RHOQ: variants seen among roughly 807,000 people sequenced by gnomAD.
RHOQ encodes the protein rho-related GTP-binding protein RhoQ.
In RHOQ, 7 loss-of-function variants were observed where a neutral mutation model predicts 25.8. That is an observed-to-expected ratio of 0.27 (90% confidence interval 0.15 to 0.51). RHOQ has a LOEUF of 0.51. Among genes scored for constraint, RHOQ ranks in the 20% least tolerant of loss-of-function variants. The pLI, the probability that RHOQ is intolerant of heterozygous loss-of-function variation, is 0.97. For missense variants in RHOQ, 165 were observed against 260.6 expected, an observed-to-expected ratio of 0.63 and a Z score of 2.53; for synonymous variants, 97 against 98.6, an observed-to-expected ratio of 0.98 and a Z score of 0.10.
intron 4 of RHOQ, among the ~76,000 whole-genome samples, chr2:46,578,906 GTGTA>G (rs1669240044): frequency 6.6e-6 from 1 of 151,856 alleles, no homozygotes. Context: ...GTGTGTGTGT[GTGTA>G]TATGTATATA....
rs751636853 is a variant in RHOQ at position 46,552,870 on chromosome 2, C to T, written c.201+9058C>T. Among the ~76,000 whole-genome samples the T allele has an allele frequency of 2.0e-5, 3 of 152,214 alleles. No homozygotes were observed. Among genetic ancestry groups the T allele is most frequent in the Non-Finnish European group, 2.9e-5 (2 of 68,036 alleles). On this transcript the variant is annotated intron_variant, in intron 2 of 4. Transcript: ENST00000238738. The surrounding 1 kb of genome is among the most constrained non-coding windows in gnomAD (Gnocchi z 5.0). ...TTATTGGGGGCACAGAGGAGGAAGG[C>T]TTATCCTTCCAAGGAGGTGAAATGC...
At position 46,566,694 on chromosome 2, in the gene RHOQ, C is replaced by T. The variant is rs1056399633; in HGVS notation, c.202-9393C>T. Among the ~76,000 whole-genome samples, 3 of 152,152 alleles carry T rather than the reference C, an allele frequency of 2.0e-5. No individual in the cohort carries two copies. Among genetic ancestry groups the T allele is most frequent in the Non-Finnish European group, 4.4e-5 (3 of 68,030 alleles). ...CCTGCAGAGGGGTCCAAGCTGACTC[C>T]CTCTCCAGCCCCACCTGTCACCTGG... On this transcript the variant is annotated intron_variant, in intron 2 of 4. Transcript: ENST00000238738. The surrounding 1 kb of genome is among the most constrained non-coding windows in gnomAD (Gnocchi z 4.2).
chr2:46,578,522 A>C (rs1451375565), intron 4 of RHOQ, among the ~76,000 whole-genome samples: 3 of 136,574 alleles, frequency 2.2e-5, no homozygotes, highest in African/African-American at 8.2e-5. Flanking sequence ...GTTTGAGCCC[A>C]GGAATTCGAG....
Position 46,555,975 on chromosome 2 carries a change from CCTTT to C in RHOQ, c.201+12164_201+12167del, listed in dbSNP as rs1043413218. On this transcript the variant is annotated intron_variant, in intron 2 of 4. Transcript: ENST00000238738. The surrounding 1 kb of genome is among the most constrained non-coding windows in gnomAD (Gnocchi z 4.3). ...TTGATATGTAAGTTTCCTCCTCTTT[CCTTT>C]GTTTTATTTTTTGAGGCATAATTCA... 1.3e-5 allele frequency among the ~76,000 whole-genome samples: 2 copies of C among 152,132 alleles called. No homozygotes were observed. The highest frequency in any genetic ancestry group is 2.4e-5 in the African/African-American group (1 of 41,430).
intron 2 of RHOQ, among the ~76,000 whole-genome samples, chr2:46,561,118 G>A (rs779997415): frequency 1.9e-4 from 29 of 150,378 alleles, no homozygotes; most frequent in Admixed American, 1.2e-3. Flanking sequence ...GTGTGCGCAC[G>A]TTTATATGTC....
chr2:46,584,061 G>T lies in RHOQ; in HGVS notation c.*2978G>T, dbSNP rs1379461157. On this transcript the variant is annotated 3_prime_UTR_variant, in exon 5 of 5. Coordinates refer to ENST00000238738, the MANE Select transcript of RHOQ (RefSeq NM_012249.4). ...AGCTTGGATTAATGGGTTTTGTTAT[G>T]AATTATCTTAGTGACTTTAGACACT... Among the ~76,000 whole-genome samples, 2 of 152,194 alleles carry T rather than the reference G, an allele frequency of 1.3e-5. No homozygotes were observed. The highest frequency in any genetic ancestry group is 2.1e-4 in the South Asian group (1 of 4,828).
At chr2:46,543,950 C>A (rs536750361) in intron 2 of RHOQ, 138 bp downstream of exon 2, 1 of 670,108 alleles carries the variant, frequency 1.5e-6, no homozygotes, top group East Asian at 2.8e-5. Context: ...GTCTTTATTT[C>A]TTGTAACAAG....
chr2:46,579,061 A>G (rs1442618224), intron 4 of RHOQ, among the ~76,000 whole-genome samples: 1 of 152,228 alleles, frequency 6.6e-6, no homozygotes, highest in Non-Finnish European at 1.5e-5. Context: ...AATTCCCTGC[A>G]TCTATTAAAA....
intron 2 of RHOQ, among the ~76,000 whole-genome samples, chr2:46,546,628 G>A (rs1457581115): frequency 4.0e-5 from 6 of 149,320 alleles, no homozygotes; most frequent in African/African-American, 1.5e-4. Flanking sequence ...CTAGTCATGT[G>A]ATTCTAGCTA....
chr2:46,582,380 C>G lies in RHOQ; in HGVS notation c.*1297C>G, dbSNP rs1186610898. 6.6e-6 allele frequency: 1 copy of G among 151,950 alleles called. No individual in the cohort carries two copies. Among genetic ancestry groups the G allele is most frequent in the Non-Finnish European group, 1.5e-5 (1 of 68,004 alleles). The allele number at this position is 151,950 out of a possible 1,614,324, so 9.4% of individuals were successfully genotyped here. A position where few individuals can be genotyped will look rare whatever the true frequency, so the allele number is the denominator to read the frequency against. ...ATTTCTAATCTTTCTCTGGGGGGAA[C>G]AGGCCACAGAACTGTGTTAGAGGTG... On this transcript the variant is annotated 3_prime_UTR_variant, in exon 5 of 5. Coordinates refer to ENST00000238738, the MANE Select transcript of RHOQ (RefSeq NM_012249.4).
chr2:46,565,981 C>T (rs1386844069), intron 2 of RHOQ, among the ~76,000 whole-genome samples: 6 of 152,152 alleles, frequency 3.9e-5, no homozygotes, highest in Admixed American at 3.9e-4. Context: ...GAAGTGATTT[C>T]CAGACTCAAG....
At chr2:46,575,268 A>T (rs1669073182) in intron 2 of RHOQ, among the ~76,000 whole-genome samples, 1 of 152,214 alleles carries the variant, frequency 6.6e-6, no homozygotes, top group South Asian at 2.1e-4. Flanking sequence ...GAATATGTGC[A>T]GTTACTGGTA....
At position 46,581,983 on chromosome 2, in the gene RHOQ, T is replaced by C. The variant is rs537406909; in HGVS notation, c.*900T>C. The C allele has an allele frequency of 2.4e-4, 39 of 162,584 alleles. No homozygotes were observed. Among genetic ancestry groups the C allele is most frequent in the Admixed American group, 5.5e-4 (9 of 16,302 alleles). 10.1% of individuals were successfully genotyped at this position (162,584 alleles called of 1,614,324 possible). On this transcript the variant is annotated 3_prime_UTR_variant, in exon 5 of 5. Coordinates refer to ENST00000238738, the MANE Select transcript of RHOQ (RefSeq NM_012249.4). ...CATCAAATGAAATGAGAAGTGTGTA[T>C]GCTGACCAAACCACAAGAAACTTTC...
At chr2:46,574,221 A>C (rs538972441) in intron 2 of RHOQ, among the ~76,000 whole-genome samples, 17 of 152,292 alleles carry the variant, frequency 1.1e-4, no homozygotes, top group Admixed American at 1.0e-3. Context: ...TGGAAATCTA[A>C]ATATGGATGA....
In RHOQ at chr2:46,552,270, G is replaced by A. The variant is rs550951134; in HGVS notation, c.201+8458G>A. ...AACCACCATGCTTCCTCAAAAAGGA[G>A]CAGGCCCGAGGTGGCGCTGATGGCC... On this transcript the variant is annotated intron_variant, in intron 2 of 4. Transcript: ENST00000238738. The surrounding 1 kb of genome is among the most constrained non-coding windows in gnomAD (Gnocchi z 5.0). 6.6e-6 allele frequency among the ~76,000 whole-genome samples: 1 copy of A among 152,324 alleles called. No homozygotes were observed. Among genetic ancestry groups the A allele is most frequent in the South Asian group, 2.1e-4 (1 of 4,828 alleles).
chr2:46,543,195 C>T lies in RHOQ; in HGVS notation c.142+7C>T. The T allele has an allele frequency of 1.2e-6, 2 of 1,611,688 alleles. No individual in the cohort carries two copies. Among genetic ancestry groups the T allele is most frequent in the Non-Finnish European group, 1.7e-6 (2 of 1,179,176 alleles). Reference sequence around the variant, plus strand: ...GTCTTCGACCACTACGCAGGTAAGCCTCGGAACTGCTGACTAAGGGGCCGC... The same window carrying T: ...GTCTTCGACCACTACGCAGGTAAGCTTCGGAACTGCTGACTAAGGGGCCGC... On this transcript the variant is annotated splice_region_variant and intron_variant, in intron 1 of 4. Coordinates refer to ENST00000238738, the MANE Select transcript of RHOQ (RefSeq NM_012249.4).
chr2:46,543,227 G>A (rs1329947580), intron 1 of RHOQ, 39 bp downstream of exon 1: 34 of 1,608,642 alleles, frequency 2.1e-5, no homozygotes, highest in Non-Finnish European at 2.8e-5. Context: ...CCGCTCCCCG[G>A]GCCGGGAACT....
At position 46,581,061 on chromosome 2, in the gene RHOQ, T is replaced by C; in HGVS notation, c.596T>C (p.Ile199Thr). 2 of 1,554,274 alleles carry C rather than the reference T, an allele frequency of 1.3e-6. No individual in the cohort carries two copies. Among genetic ancestry groups the C allele is most frequent in the Non-Finnish European group, 1.7e-6 (2 of 1,157,954 alleles). The change falls in exon 5 of 5, where the codon ATA becomes ACA. Residue 199 changes from isoleucine to threonine, a missense_variant. Coordinates refer to ENST00000238738, the MANE Select transcript of RHOQ (RefSeq NM_012249.4). ...AAAAAAAGAATAGGATCAAGATGTA[T>C]AAACTGTTGTTTAATTACGTGAGAA... ...TVKKRIGSRC[I>T]NCCLIT
Position 46,582,405 on chromosome 2 carries a change from G to A in RHOQ, c.*1322G>A, listed in dbSNP as rs1352742512. 1.3e-5 allele frequency: 2 copies of A among 152,182 alleles called. No homozygotes were observed. The highest frequency in any genetic ancestry group is 2.9e-5 in the Non-Finnish European group (2 of 68,032). The allele number at this position is 152,182 out of a possible 1,614,324, so 9.4% of individuals were successfully genotyped here. ...CAGGCCACAGAACTGTGTTAGAGGT[G>A]AACCATCTTAATTACTAGTTCTATT... On this transcript the variant is annotated 3_prime_UTR_variant, in exon 5 of 5. Coordinates refer to ENST00000238738, the MANE Select transcript of RHOQ (RefSeq NM_012249.4).
Sources: allele counts gnomAD v4.1 joint callset (sites outside exome capture counted in the v4.1 genomes callset), GRCh38; gene constraint gnomAD v4.1.1; non-coding constraint Gnocchi (gnomAD v3.1); transcripts MANE v1.5; gene names NCBI Gene and HGNC (gene_info 2026-07-23, HGNC 2026-07-21).